The following ABL1 variants were observed in gnomAD, a reference collection of about 807,000 sequenced individuals.
ABL1 encodes ABL proto-oncogene 1, non-receptor tyrosine kinase.
A neutral mutation model predicts 94.7 loss-of-function variants in ABL1; 11 were observed. The observed-to-expected ratio is 0.12, with a 90% CI of 0.07 to 0.19. The LOEUF (loss-of-function observed/expected upper bound fraction) is 0.19. Ranked by LOEUF, ABL1 falls within the 10% of genes least tolerant of loss-of-function variation. The pLI is 1.00. For synonymous variants in ABL1, 656 were observed against 622.4 expected (o/e 1.05, Z -0.80); for missense variants, 1,082 against 1,489.4 (o/e 0.73, Z 4.50).
At chr9:130,725,669 C>T (rs1226073209) in intron 1 of ABL1, among the ~76,000 whole-genome samples, 1 of 151,892 alleles carries the variant, frequency 6.6e-6, no homozygotes, top group African/African-American at 2.4e-5. Context: ...CATGAGCCAC[C>T]GTGCCTGGCC....
chr9:130,751,266 C>G (rs940559432), intron 1 of ABL1, among the ~76,000 whole-genome samples: 1 of 149,864 alleles, frequency 6.7e-6, no homozygotes, highest in Non-Finnish European at 1.5e-5. Context: ...CTCAACCTCC[C>G]GAGTAGCTGG....
intron 1 of ABL1, among the ~76,000 whole-genome samples, chr9:130,852,290 A>G (rs72765065): frequency 0.043 from 6,486 of 152,002 alleles, 267 homozygotes; most frequent in African/African-American, 0.1. Flanking sequence ...CCCAGACTCA[A>G]GCGATTCTCC....
At chr9:130,825,281 C>T (rs1458621458) in intron 1 of ABL1, among the ~76,000 whole-genome samples, 5 of 152,150 alleles carry the variant, frequency 3.3e-5, no homozygotes, top group Non-Finnish European at 7.3e-5. Flanking sequence ...CCTTTTAGCC[C>T]TTCTCTCTAC....
intron 1 of ABL1, among the ~76,000 whole-genome samples, chr9:130,722,605 T>G (rs1345916612): frequency 6.6e-6 from 1 of 152,154 alleles, no homozygotes; most frequent in Non-Finnish European, 1.5e-5. Context: ...TCCTCTTGCC[T>G]TAGCCTCCCA....
At chr9:130,807,698 T>G (rs1014314041) in intron 1 of ABL1, among the ~76,000 whole-genome samples, 1 of 111,396 alleles carries the variant, frequency 9.0e-6, no homozygotes, top group Non-Finnish European at 1.9e-5. Context: ...ATATATAGTT[T>G]TTTTTTTTTT....
At chr9:130,817,070 T>C (rs1226780559) in intron 1 of ABL1, among the ~76,000 whole-genome samples, 4 of 152,234 alleles carry the variant, frequency 2.6e-5, no homozygotes, top group African/African-American at 9.6e-5. Flanking sequence ...TTTCCTGACC[T>C]TAGAATTTTG....
chr9:130,750,422 T>C (rs1588222411), intron 1 of ABL1, among the ~76,000 whole-genome samples: 174 of 76,726 alleles, frequency 2.3e-3, no homozygotes, highest in Non-Finnish European at 3.5e-3. Flanking sequence ...CCTCCCTCCC[T>C]CCCTCCCTCC....
chr9:130,812,373 A>G (rs1237649158), intron 1 of ABL1, among the ~76,000 whole-genome samples: 1 of 151,900 alleles, frequency 6.6e-6, no homozygotes, highest in African/African-American at 2.4e-5. Flanking sequence ...AAAAAAAAAA[A>G]TCCTCATTAA....
intron 1 of ABL1, among the ~76,000 whole-genome samples, chr9:130,773,761 A>C (rs1832281013): frequency 6.6e-6 from 1 of 151,608 alleles, no homozygotes; most frequent in Non-Finnish European, 1.5e-5. Context: ...GATTACAGAC[A>C]TGAGCCATTG....
intron 8 of ABL1, 86 bp downstream of exon 8, chr9:130,878,653 A>G: frequency 6.6e-7 from 1 of 1,510,710 alleles, no homozygotes; most frequent in East Asian, 2.3e-5. Flanking sequence ...CAAAGTTGAA[A>G]GTTTTTCCAT....
At chr9:130,840,457 T>G (rs1830654333) in intron 1 of ABL1, among the ~76,000 whole-genome samples, 2 of 152,172 alleles carry the variant, frequency 1.3e-5, no homozygotes, top group African/African-American at 4.8e-5. Context: ...TAAAATCAAG[T>G]CATTGTAATT....
intron 1 of ABL1, among the ~76,000 whole-genome samples, chr9:130,788,279 C>T (rs183861308): frequency 5.9e-5 from 9 of 152,194 alleles, no homozygotes; most frequent in East Asian, 3.9e-4. Context: ...TTACTTAGTT[C>T]GAGTCATCAA....
intron 1 of ABL1, among the ~76,000 whole-genome samples, chr9:130,765,013 C>G (rs1832164089): frequency 6.6e-6 from 1 of 151,498 alleles, no homozygotes; most frequent in Admixed American, 6.6e-5. Flanking sequence ...TGCTGATTAA[C>G]CAAAGACAAG....
intron 1 of ABL1, among the ~76,000 whole-genome samples, chr9:130,813,775 G>A (rs1830245340): frequency 1.3e-5 from 2 of 152,210 alleles, no homozygotes; most frequent in East Asian, 1.9e-4. Context: ...TTTGTGTGAT[G>A]GAGCTAAAGG....
chr9:130,781,591 T>A (rs36114952), intron 1 of ABL1, among the ~76,000 whole-genome samples: 2,073 of 152,272 alleles, frequency 0.014, 57 homozygotes, highest in African/African-American at 0.049. Flanking sequence ...TTAATAGAAT[T>A]CCAGATAACA....
rs774635743 is a variant in ABL1 at position 130,884,029 on chromosome 9, C to A, written c.1739C>A (p.Pro580Gln). 8.7e-6 allele frequency: 14 copies of A among 1,613,856 alleles called. No individual in the cohort carries two copies. In the Admixed American group the frequency reaches 2.2e-4, roughly 25 times the overall value. Residue 580 changes from proline to glutamine, a missense_variant, in exon 11 of 11, where the codon CCG (proline) becomes CAG (glutamine). Physicochemically the swap from Pro to Gln is moderately conservative, Grantham distance 76 (BLOSUM62 -1). Transcript: ENST00000318560. The surrounding 1 kb of genome is among the most constrained non-coding windows in gnomAD (Gnocchi z 5.6). ...CTCCCTCGAAAAGAGCGAGGTCCCC[C>A]GGAGGGCGGCCTGAATGAAGATGAG... ...PLLPRKERGPPEGGLNEDERL... is the reference protein window; with the variant it reads ...PLLPRKERGPQEGGLNEDERL...
intron 1 of ABL1, among the ~76,000 whole-genome samples, chr9:130,716,868 A>G (rs766999944): frequency 6.6e-5 from 10 of 152,014 alleles, no homozygotes; most frequent in Admixed American, 5.2e-4. Flanking sequence ...CTCCTGCCTC[A>G]GCCTCCCAAG....
At position 130,873,668 on chromosome 9, in the gene ABL1, G is replaced by A. The variant is rs182563129; in HGVS notation, c.1085+631G>A. The stretch of plus-strand genomic sequence containing the variant: ...CCCTGAAGTGTTTTGACCTTCAAAT[G>A]TGCCACAATTATCTTGGTCTTCAAA... On this transcript the variant is annotated intron_variant, in intron 6 of 10. Coordinates refer to ENST00000318560, the MANE Select transcript of ABL1 (RefSeq NM_005157.6). Among the ~76,000 whole-genome samples, 5 of 152,306 alleles carry A rather than the reference G, an allele frequency of 3.3e-5. No individual in the cohort carries two copies. In the East Asian group the frequency reaches 9.6e-4, roughly 29 times the overall value.
chr9:130,767,023 T>C (rs1378016038), intron 1 of ABL1, among the ~76,000 whole-genome samples: 1 of 152,230 alleles, frequency 6.6e-6, no homozygotes. Context: ...TTACTGCCAG[T>C]GCTTTTTCCT....
Sources: allele counts gnomAD v4.1 joint callset (sites outside exome capture counted in the v4.1 genomes callset), GRCh38; gene constraint gnomAD v4.1.1; non-coding constraint Gnocchi (gnomAD v3.1); transcripts MANE v1.5; gene names NCBI Gene and HGNC (gene_info 2026-07-23, HGNC 2026-07-21).